DLGAP1: variants seen among roughly 807,000 people sequenced by gnomAD.
DLGAP1 encodes DLG associated protein 1, also known as disks large-associated protein 1.
In DLGAP1, 11 loss-of-function variants were observed where a neutral mutation model predicts 90.8. The observed-to-expected ratio is 0.12, with a 90% CI of 0.08 to 0.20. DLGAP1 has a LOEUF of 0.20. DLGAP1 is among the 10% of genes least tolerant of loss of function. DLGAP1 has a pLI of 1.00. For synonymous variants in DLGAP1, 558 were observed against 540.7 expected (o/e 1.03, Z -0.44); for missense variants, 1,050 against 1,333.8 (o/e 0.79, Z 3.31).
chr18:4,402,994 A>C (rs1190650897), intron 1 of DLGAP1, among the ~76,000 whole-genome samples: 2 of 152,246 alleles, frequency 1.3e-5, no homozygotes, highest in African/African-American at 4.8e-5. Flanking sequence ...GAATTATGGT[A>C]GAACTCTGAC....
Position 3,879,438 on chromosome 18 carries a change from C to T in DLGAP1, c.631G>A (p.Asp211Asn). The T allele has an allele frequency of 6.2e-7, 1 of 1,609,108 alleles. No homozygotes were observed. ...WWSSDDNLDG[D>N]MCIYHAPSGV... ...GAGGGGGCGTGGTAGATGCACATGT[C>T]ACCATCCAGGTTGTCGTCCGAGCTC... The change falls in exon 4 of 13, where the codon GAC becomes AAC. Residue 211 changes from aspartate (D) to asparagine (N), a missense_variant. Coordinates refer to ENST00000315677, the MANE Select transcript of DLGAP1 (RefSeq NM_004746.4). This position sits in a 1 kb window ranked among gnomAD's most constrained non-coding sequence, Gnocchi z 6.6.
At chr18:4,019,257 T>C (rs1289272393) in intron 2 of DLGAP1, among the ~76,000 whole-genome samples, 1 of 152,186 alleles carries the variant, frequency 6.6e-6, no homozygotes, top group Non-Finnish European at 1.5e-5. Context: ...TATAAAGTTA[T>C]ATAAATTAGA....
At chr18:3,834,536 T>C (rs934983405) in intron 4 of DLGAP1, among the ~76,000 whole-genome samples, 3 of 152,264 alleles carry the variant, frequency 2.0e-5, no homozygotes, top group Non-Finnish European at 2.9e-5. Context: ...TGGCACACAG[T>C]AGATGAGCAT....
At chr18:3,930,584 C>T (rs559075831) in intron 3 of DLGAP1, among the ~76,000 whole-genome samples, 1 of 152,204 alleles carries the variant, frequency 6.6e-6, no homozygotes, top group Admixed American at 6.5e-5. Flanking sequence ...CAGTCGCTAC[C>T]CTGGACGCCA....
intron 1 of DLGAP1, among the ~76,000 whole-genome samples, chr18:4,178,060 C>T (rs1387489314): frequency 6.6e-6 from 1 of 152,108 alleles, no homozygotes; most frequent in Non-Finnish European, 1.5e-5. Context: ...TTCAAATCCA[C>T]ACCATCCACG....
intron 4 of DLGAP1, among the ~76,000 whole-genome samples, chr18:3,823,376 A>G (rs1486108140): frequency 6.6e-6 from 1 of 152,238 alleles, no homozygotes; most frequent in Non-Finnish European, 1.5e-5. Context: ...TAGCCATTTT[A>G]TAACATCTAA....
At chr18:4,207,267 A>G (rs1207162754) in intron 1 of DLGAP1, among the ~76,000 whole-genome samples, 1 of 152,148 alleles carries the variant, frequency 6.6e-6, no homozygotes, top group East Asian at 1.9e-4. Flanking sequence ...ACATGGTGGC[A>G]GGGAGAAGAA....
At chr18:4,291,960 T>C (rs1226589193) in intron 1 of DLGAP1, among the ~76,000 whole-genome samples, 1 of 152,130 alleles carries the variant, frequency 6.6e-6, no homozygotes, top group Non-Finnish European at 1.5e-5. Flanking sequence ...GGGTTCTACA[T>C]TAGAATTCTC....
chr18:3,522,427 G>A (rs1266582553), intron 10 of DLGAP1, among the ~76,000 whole-genome samples: 9 of 151,812 alleles, frequency 5.9e-5, no homozygotes, highest in Admixed American at 5.9e-4. Context: ...GTGAGCCGCT[G>A]TACTCGGCCT....
chr18:4,283,961 GAACA>G (rs1181261603), intron 1 of DLGAP1, among the ~76,000 whole-genome samples: 2 of 152,074 alleles, frequency 1.3e-5, no homozygotes, highest in Non-Finnish European at 1.5e-5. Flanking sequence ...TTGCAGGCAG[GAACA>G]AACAGATGAT....
At chr18:4,182,640 C>T (rs2077228408) in intron 1 of DLGAP1, among the ~76,000 whole-genome samples, 3 of 152,012 alleles carry the variant, frequency 2.0e-5, no homozygotes, top group South Asian at 4.1e-4. Context: ...TATTAATAAA[C>T]TTCTGTTTGT....
intron 3 of DLGAP1, among the ~76,000 whole-genome samples, chr18:3,972,822 A>G (rs75614986): frequency 0.026 from 3,946 of 152,290 alleles, 170 homozygotes; most frequent in African/African-American, 0.09. Context: ...TGAGAGGCAG[A>G]TGGGCGGGGA....
At chr18:4,239,159 T>C (rs2145115204) in intron 1 of DLGAP1, among the ~76,000 whole-genome samples, 1 of 152,278 alleles carries the variant, frequency 6.6e-6, no homozygotes, top group East Asian at 1.9e-4. Flanking sequence ...TATCTTATGG[T>C]TGCCAAGGAG....
intron 2 of DLGAP1, among the ~76,000 whole-genome samples, chr18:4,119,902 T>C (rs1177740115): frequency 2.0e-5 from 3 of 152,218 alleles, no homozygotes; most frequent in Non-Finnish European, 4.4e-5. Flanking sequence ...TTACTTGACA[T>C]AGGCACCTAT....
chr18:3,715,196 T>C (rs1209982480), intron 7 of DLGAP1, among the ~76,000 whole-genome samples: 1 of 152,200 alleles, frequency 6.6e-6, no homozygotes, highest in East Asian at 1.9e-4. Context: ...CTGGTGAGCA[T>C]GGCTGTTTTT....
At chr18:3,889,677 A>G (rs970784959) in intron 3 of DLGAP1, among the ~76,000 whole-genome samples, 2 of 152,162 alleles carry the variant, frequency 1.3e-5, no homozygotes, top group African/African-American at 4.8e-5. Context: ...TTCTGAGCTT[A>G]TGGAAGACTG....
intron 1 of DLGAP1, among the ~76,000 whole-genome samples, chr18:4,337,261 T>C (rs2081091389): frequency 6.7e-6 from 1 of 149,216 alleles, no homozygotes; most frequent in Admixed American, 6.7e-5. Context: ...TGGCGCAATC[T>C]TGGTTCACTG....
intron 1 of DLGAP1, among the ~76,000 whole-genome samples, chr18:4,191,087 A>T (rs6506193): frequency 6.6e-6 from 1 of 152,026 alleles, no homozygotes; most frequent in South Asian, 2.1e-4. Flanking sequence ...AATTTTTTTC[A>T]TTCATGGACG....
intron 1 of DLGAP1, among the ~76,000 whole-genome samples, chr18:4,270,399 C>T (rs1480422922): frequency 6.6e-6 from 1 of 152,136 alleles, no homozygotes; most frequent in Non-Finnish European, 1.5e-5. Flanking sequence ...GCTCAAATGG[C>T]ATCATTTGGG....
Sources: gnomAD v4.1 joint callset for allele counts (sites outside exome capture counted in the v4.1 genomes callset) on GRCh38, gnomAD v4.1.1 for gene constraint, Gnocchi (gnomAD v3.1) non-coding constraint, MANE v1.5 for transcripts, NCBI Gene and HGNC (gene_info 2026-07-23, HGNC 2026-07-21) for gene names.